Variants in FOCAD observed in about 807,000 individuals in gnomAD.
FOCAD encodes the protein KIAA1797.
A neutral mutation model predicts 225.6 loss-of-function variants in FOCAD; 198 were observed. The ratio of observed to expected loss-of-function variants is 0.88; its 90% CI spans 0.78 to 0.99. The LOEUF (loss-of-function observed/expected upper bound fraction) is 0.99, where lower values mean the gene tolerates loss of function less well. Among genes scored for constraint, FOCAD ranks in the 50% least tolerant of loss-of-function variants. The pLI, the probability that FOCAD is intolerant of heterozygous loss-of-function variation, is 0.00. For synonymous variants in FOCAD, 897 were observed against 755.0 expected (o/e 1.19, Z -3.08); for missense variants, 2,713 against 2,123.6 (o/e 1.28, Z -5.46).
chr9:20,967,225 A>G (rs1307288667), intron 35 of FOCAD, among the ~76,000 whole-genome samples: 1 of 152,086 alleles, frequency 6.6e-6, no homozygotes, highest in Non-Finnish European at 1.5e-5. Context: ...TTCGGTGTAT[A>G]AGTCTTTACC....
upstream of FOCAD, among the ~76,000 whole-genome samples, chr9:20,656,972 G>A (rs532713893): frequency 1.4e-3 from 207 of 151,722 alleles, 2 homozygotes; most frequent in African/African-American, 4.9e-3. Context: ...GGGCAGGCCT[G>A]GTGGTGACAA....
intron 36 of FOCAD, among the ~76,000 whole-genome samples, chr9:20,977,339 G>C (rs1372698070): frequency 6.6e-6 from 1 of 152,234 alleles, no homozygotes; most frequent in African/African-American, 2.4e-5. Context: ...TTCACAGGTT[G>C]CAGGGATCAG....
At position 20,954,878 on chromosome 9, in the gene FOCAD, C is replaced by T. The variant is rs550985201; in HGVS notation, c.4132+1813C>T. Among the ~76,000 whole-genome samples, 3 of 152,306 alleles carry T rather than the reference C, an allele frequency of 2.0e-5. No homozygotes were observed. The East Asian group carries it at 5.8e-4, about 29-fold the overall frequency. ...GTGGGGGCCGTGGGAGGCTGACCTC[C>T]GCCTCCAAAGCCCATTTACAAAAAC... is the stretch of plus-strand genomic sequence containing the variant. On this transcript the variant is annotated intron_variant, in intron 35 of 43. Transcript: ENST00000338382.
At chr9:20,919,821 T>G (rs1834222430) in intron 24 of FOCAD, among the ~76,000 whole-genome samples, 1 of 152,012 alleles carries the variant, frequency 6.6e-6, no homozygotes, top group Non-Finnish European at 1.5e-5. Flanking sequence ...TCAAGATGGA[T>G]TAAAGACTTA....
rs1006584276 is a variant in FOCAD, at chr9:20,966,366, T to TA, written c.4133-10044dup. On this transcript the variant is annotated intron_variant, in intron 35 of 43. Coordinates refer to ENST00000338382, the MANE Select transcript of FOCAD (RefSeq NM_001375567.1). Reference sequence around the variant, plus strand: ...TATCTGTTCAAGTCCTTTGCCTATTTAAAAAAAAAATAAATTGCCTGTTGT... The same window carrying TA: ...TATCTGTTCAAGTCCTTTGCCTATTTAAAAAAAAAAATAAATTGCCTGTTGT... Among the ~76,000 whole-genome samples the TA allele has an allele frequency of 2.5e-3, 370 of 150,258 alleles. 3 individuals are homozygous for TA. The highest frequency in any genetic ancestry group is 7.7e-3 in the African/African-American group (317 of 41,052).
chr9:20,903,752 A>G (rs1238505757), intron 21 of FOCAD, among the ~76,000 whole-genome samples: 4 of 151,968 alleles, frequency 2.6e-5, no homozygotes, highest in African/African-American at 9.7e-5. Flanking sequence ...CATTCACATA[A>G]CATAAAACAA....
intron 26 of FOCAD, chr9:20,927,922 A>G (rs1466845304): frequency 2.0e-5 from 3 of 148,652 alleles, no homozygotes; most frequent in African/African-American, 7.4e-5. Flanking sequence ...TTGGGTTTAG[A>G]GCTAGATTTT....
chr9:20,740,073 G>C (rs1010589909), intron 4 of FOCAD, among the ~76,000 whole-genome samples, 163 bp from the exon 5 acceptor site: 1 of 152,146 alleles, frequency 6.6e-6, no homozygotes, highest in East Asian at 1.9e-4. Context: ...AAATGTGTTG[G>C]ATGGGTTTGG....
At chr9:20,952,425 A>G (rs2132387374) in intron 34 of FOCAD, 1 of 152,422 alleles carries the variant, frequency 6.6e-6, no homozygotes, top group South Asian at 2.1e-4. Context: ...TCAGGATTCA[A>G]CTAGCATAAA....
intron 30 of FOCAD, among the ~76,000 whole-genome samples, chr9:20,947,585 A>C (rs532332780): frequency 1.3e-5 from 2 of 152,274 alleles, no homozygotes; most frequent in South Asian, 4.1e-4. Flanking sequence ...TATTGATTGC[A>C]TAGCAGTATG....
At chr9:20,723,893 T>C (rs1307453493) in intron 4 of FOCAD, among the ~76,000 whole-genome samples, 1 of 152,156 alleles carries the variant, frequency 6.6e-6, no homozygotes, top group Non-Finnish European at 1.5e-5. Context: ...CAGTATCTGC[T>C]TCTGGCAAGG....
At chr9:20,712,677 A>T (rs997965897) in intron 1 of FOCAD, among the ~76,000 whole-genome samples, 3 of 150,342 alleles carry the variant, frequency 2.0e-5, no homozygotes, top group African/African-American at 7.3e-5. Context: ...AGAAAAAAAA[A>T]GTTGCTCAGA....
At chr9:20,791,962 T>A (rs1445557465) in intron 11 of FOCAD, among the ~76,000 whole-genome samples, 1 of 152,232 alleles carries the variant, frequency 6.6e-6, no homozygotes, top group Non-Finnish European at 1.5e-5. Flanking sequence ...TGTGCCGAGA[T>A]ATTATCCTGT....
At chr9:20,955,566 C>G (rs1182330666) in intron 35 of FOCAD, among the ~76,000 whole-genome samples, 1 of 135,514 alleles carries the variant, frequency 7.4e-6, no homozygotes, top group African/African-American at 2.8e-5. Context: ...CTTCTTTCTT[C>G]TCTCATAGCC....
intron 5 of FOCAD, among the ~76,000 whole-genome samples, chr9:20,754,767 C>G: frequency 6.6e-6 from 1 of 152,022 alleles, no homozygotes; most frequent in East Asian, 1.9e-4. Context: ...GCCAAGCATT[C>G]CATTGTGCAT....
At chr9:20,884,787 C>G (rs746462937) in intron 20 of FOCAD, among the ~76,000 whole-genome samples, 2 of 151,732 alleles carry the variant, frequency 1.3e-5, no homozygotes, top group Non-Finnish European at 2.9e-5. Context: ...GTAAGCTGGG[C>G]GCGGTGGCTC....
At chr9:20,812,307 T>C (rs2131358579) in intron 11 of FOCAD, among the ~76,000 whole-genome samples, 1 of 152,116 alleles carries the variant, frequency 6.6e-6, no homozygotes, top group East Asian at 1.9e-4. Flanking sequence ...TGAGCTATCA[T>C]ATTTTTTTAA....
chr9:20,949,156 C>G (rs186021675), intron 32 of FOCAD, among the ~76,000 whole-genome samples: 1 of 152,142 alleles, frequency 6.6e-6, no homozygotes. Flanking sequence ...TTAAACCTGG[C>G]CAACTTAGGT....
intron 6 of FOCAD, among the ~76,000 whole-genome samples, chr9:20,763,175 C>G (rs1343790056): frequency 6.6e-6 from 1 of 152,136 alleles, no homozygotes; most frequent in Non-Finnish European, 1.5e-5. Context: ...TACTCTGTAA[C>G]TTAGTGTAAC....
Sources: allele counts gnomAD v4.1 joint callset (sites outside exome capture counted in the v4.1 genomes callset), GRCh38; gene constraint gnomAD v4.1.1; transcripts MANE v1.5; gene names NCBI Gene and HGNC (gene_info 2026-07-23, HGNC 2026-07-21).